ARNT: variants seen among roughly 807,000 people sequenced by gnomAD.
The protein encoded by ARNT is aryl hydrocarbon receptor nuclear translocator.
A neutral mutation model predicts 105.0 loss-of-function variants in ARNT; 30 were observed. The ratio of observed to expected loss-of-function variants is 0.29; its 90% CI spans 0.21 to 0.39. The LOEUF (loss-of-function observed/expected upper bound fraction) is 0.39. Ranked by LOEUF, ARNT falls within the 10% of genes least tolerant of loss-of-function variation. The probability of loss-of-function intolerance (pLI) is 1.00; values close to 1 mark genes in which losing one functional copy is unlikely to be tolerated. For missense variants in ARNT, 748 were observed against 978.7 expected, an observed-to-expected ratio of 0.76 and a Z score of 3.15; for synonymous variants, 304 against 344.0, an observed-to-expected ratio of 0.88 and a Z score of 1.29.
At chr1:150,830,009 A>G (rs1659057866) in intron 10 of ARNT, 29 bp from the exon 11 acceptor site, 1 of 1,612,030 alleles carries the variant, frequency 6.2e-7, no homozygotes, top group South Asian at 1.1e-5. Flanking sequence ...AAAAGGTTTA[A>G]CGGGGACCTC....
rs587616799 is a variant in ARNT at position 150,864,145 on chromosome 1, G to C, written c.26-5685C>G. ...TACTGTAGGCAACTATAACTCAGTG[G>C]TAACTATTTATGTATCTAAACATAG... On this transcript the variant is annotated intron_variant, in intron 1 of 21. Transcript: ENST00000358595. 4.6e-5 allele frequency among the ~76,000 whole-genome samples: 7 copies of C among 152,250 alleles called. No homozygotes were observed. In the South Asian group the frequency reaches 1.4e-3, roughly 32 times the overall value.
At chr1:150,844,558 A>G (rs1159610113) in intron 4 of ARNT, among the ~76,000 whole-genome samples, 1 of 152,208 alleles carries the variant, frequency 6.6e-6, no homozygotes, top group Non-Finnish European at 1.5e-5. Flanking sequence ...AACAAATACT[A>G]AGTGCTAAGT....
Position 150,846,314 on chromosome 1 carries a change from G to C in ARNT, c.183-7C>G. The C allele has an allele frequency of 6.2e-7, 1 of 1,613,406 alleles. No homozygotes were observed. The highest frequency in any genetic ancestry group is 8.5e-7 in the Non-Finnish European group (1 of 1,179,636). On this transcript the variant is annotated splice_region_variant and splice_polypyrimidine_tract_variant and intron_variant, in intron 3 of 21. Coordinates refer to ENST00000358595, the MANE Select transcript of ARNT (RefSeq NM_001668.4). ...CATCTGATCATCATCACACCTGAAG[G>C]AGAGAAAAAGGATTGTTTCAAAGCA...
At chr1:150,844,677 A>G (rs1289177040) in intron 4 of ARNT, among the ~76,000 whole-genome samples, 1 of 152,220 alleles carries the variant, frequency 6.6e-6, no homozygotes, top group South Asian at 2.1e-4. Flanking sequence ...TTTAATAAAA[A>G]CTTTCTAAAA....
At chr1:150,867,737 A>T (rs1334566361) in intron 1 of ARNT, among the ~76,000 whole-genome samples, 1 of 152,106 alleles carries the variant, frequency 6.6e-6, no homozygotes, top group African/African-American at 2.4e-5. Context: ...ATTGGATCAT[A>T]GGGGTGGTTT....
chr1:150,816,376 A>T lies in ARNT; in HGVS notation c.1833T>A (p.Ile611=). The T allele has an allele frequency of 1.2e-6, 2 of 1,608,186 alleles. No homozygotes were observed. Among genetic ancestry groups the T allele is most frequent in the Non-Finnish European group, 1.7e-6 (2 of 1,178,446 alleles). Residue 611 remains isoleucine (I), a synonymous_variant, in exon 19 of 22, where the codon ATT becomes ATA. Coordinates refer to ENST00000358595, the MANE Select transcript of ARNT (RefSeq NM_001668.4). ...GTCCTGCAGAAGCTGATGGCTGGAC[A>T]ATGGTTACAGGAGGGGCTAGGCCAC... ...RNSGLAPPVT[I]VQPSASAGQM...
intron 14 of ARNT, among the ~76,000 whole-genome samples, chr1:150,820,213 G>T (rs955831157): frequency 6.6e-6 from 1 of 152,188 alleles, no homozygotes; most frequent in African/African-American, 2.4e-5. Context: ...CCCACTTATA[G>T]AAAGAGCTTG....
At chr1:150,868,742 A>G (rs1007583481) in intron 1 of ARNT, among the ~76,000 whole-genome samples, 3 of 151,490 alleles carry the variant, frequency 2.0e-5, no homozygotes, top group Non-Finnish European at 4.4e-5. Context: ...TCTACTAAAA[A>G]CACAAAAATT....
At chr1:150,849,873 T>C (rs1386919318) in intron 3 of ARNT, among the ~76,000 whole-genome samples, 4 of 152,170 alleles carry the variant, frequency 2.6e-5, no homozygotes, top group Admixed American at 1.3e-4. Flanking sequence ...AAGACCAGTC[T>C]GGCTAACATG....
chr1:150,834,758 A>G (rs1285727608), intron 7 of ARNT, 118 bp from the exon 8 acceptor site: 1 of 798,638 alleles, frequency 1.3e-6, no homozygotes, highest in East Asian at 2.6e-5. Flanking sequence ...CTCCTTGCTT[A>G]TAACAGAACT....
chr1:150,851,761 T>C (rs1288543267), intron 3 of ARNT, among the ~76,000 whole-genome samples: 46 of 152,278 alleles, frequency 3.0e-4, no homozygotes, highest in African/African-American at 1.1e-3. Context: ...ACCAGAGACC[T>C]TTGTTCACTT....
intron 18 of ARNT, 103 bp downstream of exon 18, chr1:150,816,685 C>A: frequency 7.3e-7 from 1 of 1,360,584 alleles, no homozygotes; most frequent in African/African-American, 1.5e-5. Context: ...AGCTTCACTG[C>A]TTTTTCTGAA....
chr1:150,812,562 A>G (rs183677682), intron 21 of ARNT: 2 of 153,836 alleles, frequency 1.3e-5, no homozygotes, highest in East Asian at 1.9e-4. Flanking sequence ...TATAATCATT[A>G]TGTTCTATTT....
intron 2 of ARNT, among the ~76,000 whole-genome samples, chr1:150,857,153 A>T (rs1160160513): frequency 6.6e-6 from 1 of 152,174 alleles, no homozygotes; most frequent in Admixed American, 6.5e-5. Flanking sequence ...TTGACAGTGA[A>T]ATACTATAAT....
intron 1 of ARNT, among the ~76,000 whole-genome samples, chr1:150,863,906 G>A (rs765281853): frequency 3.9e-5 from 6 of 152,106 alleles, no homozygotes; most frequent in Non-Finnish European, 7.4e-5. Context: ...ATACAGTTAT[G>A]TATCACTTAA....
At chr1:150,836,881 CAAACA>C (rs951619910) in intron 6 of ARNT, among the ~76,000 whole-genome samples, 27 of 152,146 alleles carry the variant, frequency 1.8e-4, no homozygotes, top group African/African-American at 4.3e-4. Context: ...TCTTTACAAA[CAAACA>C]AAACAAAACA....
At chr1:150,839,900 C>T (rs1660973791) in intron 5 of ARNT, among the ~76,000 whole-genome samples, 1 of 152,154 alleles carries the variant, frequency 6.6e-6, no homozygotes, top group Non-Finnish European at 1.5e-5. Context: ...TTCCTGGAAA[C>T]TTCACATCCT....
intron 13 of ARNT, among the ~76,000 whole-genome samples, chr1:150,823,769 C>G (rs1316416990): frequency 4.0e-5 from 6 of 150,168 alleles, no homozygotes; most frequent in Admixed American, 2.7e-4. Context: ...CCAGGATGGT[C>G]TTGATCTCCT....
chr1:150,875,078 G>A (rs1413201602), intron 1 of ARNT, among the ~76,000 whole-genome samples: 13 of 152,138 alleles, frequency 8.5e-5, no homozygotes, highest in Non-Finnish European at 4.4e-5. Flanking sequence ...GGTTATATAA[G>A]TATTTTGCAA....
Sources: allele counts gnomAD v4.1 joint callset (sites outside exome capture counted in the v4.1 genomes callset), GRCh38; gene constraint gnomAD v4.1.1; transcripts MANE v1.5; gene names NCBI Gene and HGNC (gene_info 2026-07-23, HGNC 2026-07-21).